Variants in CHCHD6 observed in about 807,000 individuals in gnomAD.
CHCHD6 encodes the protein coiled-coil-helix-coiled-coil-helix domain containing 6.
In CHCHD6, 28 loss-of-function variants were observed where a neutral mutation model predicts 32.3. The ratio of observed to expected loss-of-function variants is 0.87; its 90% CI spans 0.64 to 1.19. The LOEUF (loss-of-function observed/expected upper bound fraction) is 1.19, where lower values mean the gene tolerates loss of function less well. Among genes scored for constraint, CHCHD6 ranks in the 50% most tolerant of loss-of-function variants. The probability of loss-of-function intolerance (pLI) is 0.00; values close to 1 mark genes in which losing one functional copy is unlikely to be tolerated. For missense variants in CHCHD6, 333 were observed against 307.0 expected (o/e 1.08, Z -0.63); for synonymous variants, 122 against 117.5 (o/e 1.04, Z -0.25).
At chr3:126,908,914 G>A (rs1018514578) in intron 5 of CHCHD6, among the ~76,000 whole-genome samples, 1 of 152,272 alleles carries the variant, frequency 6.6e-6, no homozygotes, top group Non-Finnish European at 1.5e-5. Flanking sequence ...CTTGCCTGTG[G>A]TTACACACCC....
At position 126,766,653 on chromosome 3, in the gene CHCHD6, T is replaced by G. The variant is rs144855012; in HGVS notation, c.411+33431T>G. On this transcript the variant is annotated intron_variant, in intron 4 of 7. Transcript: ENST00000290913. ...CGGTGATGGGCCCCAGCTATGGTGC[T>G]CTCTCGGTGGCCACAATGATGCTGC... The G allele has an allele frequency of 1.3e-4, 139 of 1,031,084 alleles. 1 individual carries two copies. In the East Asian group the frequency reaches 3.3e-3, roughly 24 times the overall value. 63.9% of individuals were successfully genotyped at this position (1,031,084 alleles called of 1,614,324 possible). A position where few individuals can be genotyped will look rare whatever the true frequency, so the allele number is the denominator to read the frequency against.
At chr3:126,906,845 G>T (rs1043914106) in intron 5 of CHCHD6, among the ~76,000 whole-genome samples, 1 of 152,188 alleles carries the variant, frequency 6.6e-6, no homozygotes, top group Non-Finnish European at 1.5e-5. Context: ...AGCTAGGTAG[G>T]AGTTTTTCTC....
intron 4 of CHCHD6, chr3:126,766,739 A>G: frequency 2.6e-6 from 3 of 1,156,000 alleles, no homozygotes; most frequent in Non-Finnish European, 2.6e-6. Context: ...GCTTTTGGGT[A>G]TGTGGTAGAT....
intron 5 of CHCHD6, among the ~76,000 whole-genome samples, chr3:126,863,365 ACCT>A (rs1300253936): frequency 1.1e-4 from 11 of 98,290 alleles, no homozygotes; most frequent in Non-Finnish European, 1.4e-4. Flanking sequence ...TACCATCACC[ACCT>A]CCTCCTCCTC....
chr3:126,758,568 G>T (rs746470127), intron 4 of CHCHD6, among the ~76,000 whole-genome samples: 3 of 152,182 alleles, frequency 2.0e-5, no homozygotes, highest in Non-Finnish European at 4.4e-5. Flanking sequence ...TCACTAAGCG[G>T]CTGACTTTTG....
intron 4 of CHCHD6, among the ~76,000 whole-genome samples, chr3:126,748,341 T>C (rs1005781040): frequency 6.6e-6 from 1 of 152,254 alleles, no homozygotes; most frequent in South Asian, 2.1e-4. Flanking sequence ...ACGCCTGTAA[T>C]CCCAGCACTT....
At chr3:126,831,052 C>G (rs911087650) in intron 4 of CHCHD6, among the ~76,000 whole-genome samples, 6 of 150,548 alleles carry the variant, frequency 4.0e-5, no homozygotes, top group Non-Finnish European at 5.9e-5. Flanking sequence ...GAGACATAGT[C>G]TCACTCTTTT....
chr3:126,797,339 C>G (rs1938843299), intron 4 of CHCHD6, among the ~76,000 whole-genome samples: 1 of 152,144 alleles, frequency 6.6e-6, no homozygotes, highest in Non-Finnish European at 1.5e-5. Context: ...GACGGGGGAG[C>G]AGGGCAAGAA....
Position 126,844,556 on chromosome 3 carries a change from T to C in CHCHD6, c.412-8091T>C, listed in dbSNP as rs72980833. ...TTTTTTATACTTAGCATTTGCACAATATATCTTTTTCCTTTTTTCCCCAAA... is the reference window on the plus strand; with the variant it reads ...TTTTTTATACTTAGCATTTGCACAACATATCTTTTTCCTTTTTTCCCCAAA... On this transcript the variant is annotated intron_variant, in intron 4 of 7. Coordinates refer to ENST00000290913, the MANE Select transcript of CHCHD6 (RefSeq NM_032343.3). Among the ~76,000 whole-genome samples, 393 of 152,360 alleles carry C rather than the reference T, an allele frequency of 2.6e-3. 1 individual carries two copies. Among genetic ancestry groups the C allele is most frequent in the African/African-American group, 9.0e-3 (376 of 41,594 alleles).
At chr3:126,725,560 C>A (rs570409003) in intron 1 of CHCHD6, among the ~76,000 whole-genome samples, 1 of 152,210 alleles carries the variant, frequency 6.6e-6, no homozygotes, top group Non-Finnish European at 1.5e-5. Flanking sequence ...TGCATTACCC[C>A]CTAACAAGAG....
intron 6 of CHCHD6, among the ~76,000 whole-genome samples, chr3:126,945,785 G>C (rs1430021642): frequency 6.6e-6 from 1 of 151,206 alleles, no homozygotes; most frequent in Non-Finnish European, 1.5e-5. Context: ...GGACACTCAG[G>C]GAGACTCAAG....
At chr3:126,717,878 C>G (rs1282511355) in intron 1 of CHCHD6, among the ~76,000 whole-genome samples, 1 of 152,188 alleles carries the variant, frequency 6.6e-6, no homozygotes, top group Non-Finnish European at 1.5e-5. Flanking sequence ...CGCGTTCCCC[C>G]TCCATCACGG....
In CHCHD6 at chr3:126,824,560, C is replaced by CAAAAAAAAAAAAAAAAAAAAAA. The variant is rs71150454; in HGVS notation, c.412-28066_412-28065insAAAAAAAAAAAAAAAAAAAAAA. Among the ~76,000 whole-genome samples, 5 of 39,996 alleles carry CAAAAAAAAAAAAAAAAAAAAAA rather than the reference C, an allele frequency of 1.3e-4. 1 individual carries two copies. The highest frequency in any genetic ancestry group is 7.3e-4 in the African/African-American group (5 of 6,804). The allele number at this position is 39,996 out of a possible 152,430, so 26.2% of individuals were successfully genotyped here. A position where few individuals can be genotyped will look rare whatever the true frequency, so the allele number is the denominator to read the frequency against. On this transcript the variant is annotated intron_variant, in intron 4 of 7. Transcript: ENST00000290913. ...TAGGTGATAGAGCAAGACTCTGTCT[C>CAAAAAAAAAAAAAAAAAAAAAA]AAAAAAAAAAAAAAAAAAAAAGTCA... is the stretch of plus-strand genomic sequence containing the variant.
At chr3:126,847,606 G>T (rs1376364558) in intron 4 of CHCHD6, among the ~76,000 whole-genome samples, 1 of 152,200 alleles carries the variant, frequency 6.6e-6, no homozygotes. Flanking sequence ...TCCCACAGGG[G>T]CATGAGGCCT....
At chr3:126,722,787 T>G (rs1935368332) in intron 1 of CHCHD6, among the ~76,000 whole-genome samples, 2 of 152,200 alleles carry the variant, frequency 1.3e-5, no homozygotes. Flanking sequence ...CATTTGGTAC[T>G]CAAAACTTTA....
chr3:126,953,295 G>C (rs2078741644), intron 6 of CHCHD6: 2 of 231,644 alleles, frequency 8.6e-6, no homozygotes, highest in Non-Finnish European at 1.4e-5. Context: ...ACTCGCTAAT[G>C]CCCTAACATG....
At chr3:126,948,529 C>G (rs1247599987) in intron 6 of CHCHD6, among the ~76,000 whole-genome samples, 2 of 152,154 alleles carry the variant, frequency 1.3e-5, no homozygotes, top group African/African-American at 4.8e-5. Context: ...CCCATATGCC[C>G]TTGTCTTAAC....
chr3:126,775,679 A>G (rs1487759007), intron 4 of CHCHD6, among the ~76,000 whole-genome samples: 1 of 152,240 alleles, frequency 6.6e-6, no homozygotes, highest in Non-Finnish European at 1.5e-5. Context: ...TCTAGAGGTT[A>G]AGGAAAGTCC....
intron 5 of CHCHD6, among the ~76,000 whole-genome samples, chr3:126,884,743 A>C (rs1281046758): frequency 6.6e-6 from 1 of 152,216 alleles, no homozygotes; most frequent in Non-Finnish European, 1.5e-5. Context: ...GATTTTCAAG[A>C]AAGTCTGAAA....
Sources: gnomAD v4.1 joint callset for allele counts (sites outside exome capture counted in the v4.1 genomes callset) on GRCh38, gnomAD v4.1.1 for gene constraint, MANE v1.5 for transcripts, NCBI Gene and HGNC (gene_info 2026-07-23, HGNC 2026-07-21) for gene names.